Variants in NUP43 observed in about 807,000 individuals in gnomAD.
NUP43 encodes nucleoporin Nup43.
NUP43 carries 32 observed loss-of-function variants against 47.3 expected under a neutral mutation model. The ratio of observed to expected loss-of-function variants is 0.68; its 90% CI spans 0.51 to 0.91. NUP43 has a LOEUF of 0.91. NUP43 is among the 40% of genes least tolerant of loss of function. NUP43 has a pLI of 0.00. For synonymous variants in NUP43, 147 were observed against 158.4 expected (o/e 0.93, Z 0.54); for missense variants, 444 against 453.9 (o/e 0.98, Z 0.20).
At chr6:149,748,365 C>A (rs761865954), upstream of NUP43, among the ~76,000 whole-genome samples, 1 of 152,120 alleles carries the variant, frequency 6.6e-6, no homozygotes, top group African/African-American at 2.4e-5. Context: ...CCTGTAGTTT[C>A]ATTTATGGTC....
At chr6:149,732,020 A>G (rs995148790) in intron 6 of NUP43, among the ~76,000 whole-genome samples, 2 of 152,056 alleles carry the variant, frequency 1.3e-5, no homozygotes, top group East Asian at 3.9e-4. Flanking sequence ...CATCTCTACT[A>G]AAAATACAAA....
chr6:149,734,912 A>G lies in NUP43; in HGVS notation c.790+1559T>C, dbSNP rs540562893. 5.3e-5 allele frequency among the ~76,000 whole-genome samples: 8 copies of G among 152,178 alleles called. No individual in the cohort carries two copies. In the South Asian group the frequency reaches 1.5e-3, roughly 28 times the overall value. ...TCCACCAGAATCAAAAGAAAAAAAA[A>G]AGCTTATAAATCTATTGTTCATGTT... On this transcript the variant is annotated intron_variant, in intron 6 of 7. Transcript: ENST00000340413.
chr6:149,729,552 C>A, intron 7 of NUP43: 1 of 983,442 alleles, frequency 1.0e-6, no homozygotes, highest in Non-Finnish European at 1.2e-6. Flanking sequence ...GCATTTTCAA[C>A]AGTCAAGTAG....
In NUP43 at chr6:149,727,055, C is replaced by G; in HGVS notation, c.1057G>C (p.Val353Leu). 1 of 1,614,134 alleles carries G rather than the reference C, an allele frequency of 6.2e-7. No homozygotes were observed. ...TSLLPSRSLS[V>L]NTLDVLGPCL... ...GGACCTAAAACATCCAAAGTGTTCA[C>G]AGACAGAGACCTACTGGGAAGTAAG... Residue 353 changes from valine (V) to leucine (L), a missense_variant, in exon 8 of 8, where the codon GTG becomes CTG. By Grantham distance (32) the Val-to-Leu change is conservative. Transcript: ENST00000340413.
Position 149,746,081 on chromosome 6 carries a change from T to A in NUP43, c.121-19A>T. On this transcript the variant is annotated intron_variant, in intron 1 of 7. Transcript: ENST00000340413. ...AATTTTCCTGTAAAACAGAAAGTTT[T>A]GTCTTGAGATGACATAAACGTCAAC... 1 of 1,606,638 alleles carries A rather than the reference T, an allele frequency of 6.2e-7. No homozygotes were observed. Among genetic ancestry groups the A allele is most frequent in the Non-Finnish European group, 8.5e-7 (1 of 1,178,452 alleles).
chr6:149,731,477 C>T (rs1289386278), intron 7 of NUP43, 136 bp downstream of exon 7: 6 of 658,756 alleles, frequency 9.1e-6, no homozygotes, highest in Admixed American at 3.1e-5. Context: ...GCACGAGAAT[C>T]GCTTGAACCC....
intron 4 of NUP43, among the ~76,000 whole-genome samples, chr6:149,742,106 A>G (rs1785689797): frequency 6.6e-6 from 1 of 151,450 alleles, no homozygotes; most frequent in Admixed American, 6.6e-5. Flanking sequence ...TGCTCACTGC[A>G]ACCTCCGCCT....
At chr6:149,740,822 A>G (rs9688880) in intron 4 of NUP43, among the ~76,000 whole-genome samples, 1,642 of 151,972 alleles carry the variant, frequency 0.011, 31 homozygotes, top group African/African-American at 0.038. Flanking sequence ...TGCATTACAG[A>G]CTCTTTGCAA....
At chr6:149,728,369 A>C (rs1784884411) in intron 7 of NUP43, 1 of 984,490 alleles carries the variant, frequency 1.0e-6, no homozygotes, top group East Asian at 1.1e-4. Flanking sequence ...AGTAAAAACG[A>C]AGTACATACT....
intron 7 of NUP43, among the ~76,000 whole-genome samples, chr6:149,730,063 G>A (rs1470281226): frequency 6.6e-6 from 1 of 151,060 alleles, no homozygotes; most frequent in Non-Finnish European, 1.5e-5. Flanking sequence ...AGGCTGGAGT[G>A]CAATGGTGCA....
Position 149,731,605 on chromosome 6 carries a change from A to C in NUP43, c.913+8T>G, listed in dbSNP as rs201366481. 11 of 1,609,002 alleles carry C rather than the reference A, an allele frequency of 6.8e-6. No individual in the cohort carries two copies. Among genetic ancestry groups the C allele is most frequent in the Middle Eastern group, 1.7e-4 (1 of 6,024 alleles). On this transcript the variant is annotated splice_region_variant and intron_variant, in intron 7 of 7. Coordinates refer to ENST00000340413, the MANE Select transcript of NUP43 (RefSeq NM_198887.3). ...GTACACATAACAGTATTCATTAAAAAGTTTTACCTTGGTGAAAGAGTGACG... is the reference window on the plus strand; with the variant it reads ...GTACACATAACAGTATTCATTAAAACGTTTTACCTTGGTGAAAGAGTGACG...
intron 4 of NUP43, among the ~76,000 whole-genome samples, chr6:149,738,998 CT>C (rs545839293): frequency 4.2e-3 from 590 of 141,072 alleles, no homozygotes; most frequent in Admixed American, 3.6e-3. Context: ...TTTTCTGTTT[CT>C]TTTTTTTTTT....
chr6:149,733,492 G>A (rs150447592), intron 6 of NUP43, among the ~76,000 whole-genome samples: 6 of 152,284 alleles, frequency 3.9e-5, no homozygotes, highest in East Asian at 1.9e-4. Context: ...CGCCCAGGCT[G>A]GAGTGCAGAA....
chr6:149,748,808 C>CA (rs1161065299), upstream of NUP43, among the ~76,000 whole-genome samples: 2,674 of 87,054 alleles, frequency 0.031, 189 homozygotes, highest in African/African-American at 0.068. Context: ...GACTCCGTCT[C>CA]AAAAAAAAAA....
At chr6:149,739,347 C>T (rs56397000) in intron 4 of NUP43, among the ~76,000 whole-genome samples, 60,830 of 151,820 alleles carry the variant, frequency 0.4, 13,090 homozygotes, top group East Asian at 0.81. Context: ...AGGGCAGTGG[C>T]GTACTCTGGG....
At chr6:149,741,373 A>G (rs1052200998) in intron 4 of NUP43, among the ~76,000 whole-genome samples, 1 of 151,868 alleles carries the variant, frequency 6.6e-6, no homozygotes, top group African/African-American at 2.4e-5. Context: ...GGGGTTTTGC[A>G]ATATTGGTCA....
At chr6:149,731,575 A>G (rs1785043696) in intron 7 of NUP43, 38 bp downstream of exon 7, 1 of 1,559,148 alleles carries the variant, frequency 6.4e-7, no homozygotes, top group Non-Finnish European at 8.6e-7. Context: ...AAAAAAAAAA[A>G]AAAAGTACAC....
intron 6 of NUP43, among the ~76,000 whole-genome samples, chr6:149,733,391 A>T (rs1412128956): frequency 1.3e-5 from 2 of 152,160 alleles, no homozygotes; most frequent in East Asian, 3.8e-4. Flanking sequence ...TGTATGCTTC[A>T]TACTTTAGGA....
intron 4 of NUP43, among the ~76,000 whole-genome samples, chr6:149,742,049 A>T (rs373052128): frequency 6.8e-6 from 1 of 147,596 alleles, no homozygotes; most frequent in African/African-American, 2.5e-5. Flanking sequence ...TTTTTTAAAC[A>T]GAGTTTCACT....
Sources: gnomAD v4.1 joint callset for allele counts (sites outside exome capture counted in the v4.1 genomes callset) on GRCh38, gnomAD v4.1.1 for gene constraint, MANE v1.5 for transcripts, NCBI Gene and HGNC (gene_info 2026-07-23, HGNC 2026-07-21) for gene names.